The following DCP2 variants were observed in gnomAD, a reference collection of about 807,000 sequenced individuals.
DCP2 encodes the protein decapping mRNA 2, also known as m7GpppN-mRNA hydrolase.
Under a neutral mutation model 56.1 loss-of-function variants are expected in DCP2, and 30 were observed. That is an observed-to-expected ratio of 0.53 (90% CI 0.40 to 0.73). The LOEUF is 0.73. DCP2 is among the 30% of genes least tolerant of loss of function. The pLI, the probability that DCP2 is intolerant of heterozygous loss-of-function variation, is 0.00. For missense variants in DCP2, 533 were observed against 502.7 expected (o/e 1.06, Z -0.58); for synonymous variants, 197 against 163.3 (o/e 1.21, Z -1.57).
intron 1 of DCP2, among the ~76,000 whole-genome samples, chr5:112,982,914 T>G (rs1385679001): frequency 1.3e-5 from 2 of 152,330 alleles, no homozygotes; most frequent in Non-Finnish European, 2.9e-5. Flanking sequence ...TTTGGGAGGT[T>G]TATTCATTAA....
At chr5:112,981,029 A>AT (rs35338836) in intron 1 of DCP2, among the ~76,000 whole-genome samples, 44,698 of 149,594 alleles carry the variant, frequency 0.3, 6,748 homozygotes, top group Middle Eastern at 0.4. Context: ...TGACTTTATG[A>AT]TTTTTTTTTT....
intron 2 of DCP2, among the ~76,000 whole-genome samples, chr5:112,990,172 C>T (rs9784647): frequency 0.44 from 66,731 of 151,844 alleles, 16,294 homozygotes; most frequent in East Asian, 0.62. Context: ...GTTGATGGTA[C>T]ATGTGGGATA....
chr5:112,992,553 C>A, intron 3 of DCP2, 119 bp from the exon 4 acceptor site: 1 of 767,142 alleles, frequency 1.3e-6, no homozygotes, highest in Non-Finnish European at 2.1e-6. Context: ...TAAGAAAATA[C>A]TCTGTAAAAT....
chr5:113,003,955 C>G lies in DCP2; in HGVS notation c.820C>G (p.Arg274Gly). The change falls in exon 8 of 11, where the codon CGC becomes GGC. Residue 274 changes from arginine to glycine, a missense_variant. Physicochemically the swap from Arg to Gly is moderately radical, Grantham distance 125. Transcript: ENST00000389063. ...TVEKLSRTKF[R>G]HSQQLFPDGS... ...ATCTTGGTGTAGTCGAACCAAATTC[C>G]GCCACAGTCAGCAGTTATTTCCTGA... 6.2e-7 allele frequency: 1 copy of G among 1,613,992 alleles called. No individual in the cohort carries two copies. Among genetic ancestry groups the G allele is most frequent in the African/African-American group, 1.3e-5 (1 of 75,008 alleles).
rs751195051 is a variant in DCP2 at position 113,001,401 on chromosome 5, T to C, written c.630T>C (p.Asn210=). ...TTGAGAAATTGCCTTGTCATAGAAATGATATGACCCCCAAATCCAAACTTG... is the reference window on the plus strand; with the variant it reads ...TTGAGAAATTGCCTTGTCATAGAAACGATATGACCCCCAAATCCAAACTTG... The part of the protein sequence containing the change: ...FSIEKLPCHR[N]DMTPKSKLGL... Residue 210 remains asparagine, a synonymous_variant, in exon 6 of 11, where the codon AAT becomes AAC. Transcript: ENST00000389063. 7.4e-6 allele frequency: 12 copies of C among 1,613,982 alleles called. No individual in the cohort carries two copies. Among genetic ancestry groups the C allele is most frequent in the Middle Eastern group, 3.3e-4 (2 of 6,062 alleles).
At chr5:112,990,484 C>G (rs1748528608) in intron 2 of DCP2, among the ~76,000 whole-genome samples, 1 of 152,116 alleles carries the variant, frequency 6.6e-6, no homozygotes, top group African/African-American at 2.4e-5. Context: ...AGAATCTTAC[C>G]AGGCCCTTAT....
chr5:113,009,010 A>AC (rs1554101600), intron 9 of DCP2, among the ~76,000 whole-genome samples: 3 of 151,070 alleles, frequency 2.0e-5, no homozygotes, highest in South Asian at 4.2e-4. Flanking sequence ...CCCCTGGCTA[A>AC]TTTTTTTTTG....
Position 113,013,578 on chromosome 5 carries a change from A to G in DCP2, c.*94A>G. On this transcript the variant is annotated 3_prime_UTR_variant, in exon 11 of 11. Coordinates refer to ENST00000389063, the MANE Select transcript of DCP2 (RefSeq NM_152624.6). ...GCCTTACCTTTCTCAGGTGTTTTAA[A>G]GAAATGCAGGGAGGCAATGTTTCTG... 7.0e-7 allele frequency: 1 copy of G among 1,433,802 alleles called. No homozygotes were observed. Among genetic ancestry groups the G allele is most frequent in the Non-Finnish European group, 9.5e-7 (1 of 1,055,652 alleles). The allele number at this position is 1,433,802 out of a possible 1,614,324, so 88.8% of individuals were successfully genotyped here. A position where few individuals can be genotyped will look rare whatever the true frequency, so the allele number is the denominator to read the frequency against.
In DCP2 at chr5:113,014,544, A is replaced by G. The variant is rs556193780; in HGVS notation, c.*1060A>G. On this transcript the variant is annotated 3_prime_UTR_variant, in exon 11 of 11. Coordinates refer to ENST00000389063, the MANE Select transcript of DCP2 (RefSeq NM_152624.6). ...CATTTCACTAGGTTACACGTTATGT[A>G]TATGTGTTACATAACAGTAACATAC... 1 of 152,794 alleles carries G rather than the reference A, an allele frequency of 6.5e-6. No individual in the cohort carries two copies. Among genetic ancestry groups the G allele is most frequent in the Admixed American group, 6.5e-5 (1 of 15,306 alleles). The allele number at this position is 152,794 out of a possible 1,614,324, so 9.5% of individuals were successfully genotyped here. A position where few individuals can be genotyped will look rare whatever the true frequency, so the allele number is the denominator to read the frequency against.
intron 9 of DCP2, among the ~76,000 whole-genome samples, chr5:113,010,226 T>G (rs78008012): frequency 6.9e-6 from 1 of 144,224 alleles, no homozygotes; most frequent in South Asian, 2.2e-4. Flanking sequence ...TTTTTTTTTT[T>G]GGTAGAAATA....
chr5:112,982,673 C>T (rs1347201589), intron 1 of DCP2, among the ~76,000 whole-genome samples: 2 of 146,282 alleles, frequency 1.4e-5, no homozygotes, highest in African/African-American at 5.6e-5. Context: ...CCCGAGGGCT[C>T]TTACTTAGTT....
At chr5:113,007,508 C>T (rs1013724505) in intron 8 of DCP2, among the ~76,000 whole-genome samples, 2 of 151,826 alleles carry the variant, frequency 1.3e-5, no homozygotes, top group Admixed American at 6.6e-5. Context: ...TCGGGTGACT[C>T]TTCTGCCTCT....
chr5:112,994,816 T>G (rs1029999612), intron 4 of DCP2, among the ~76,000 whole-genome samples: 3 of 152,172 alleles, frequency 2.0e-5, no homozygotes, highest in Non-Finnish European at 4.4e-5. Flanking sequence ...ATAAAGACCT[T>G]TAAGAAGATT....
Position 113,001,589 on chromosome 5 carries a change from C to G in DCP2, c.721C>G (p.Arg241Gly). Reference sequence around the variant, plus strand: ...CAGACCATTAAGGGACTGGCTTTCTCGAAGATTTGGCGATTCCTCAGACAG... The same window carrying G: ...CAGACCATTAAGGGACTGGCTTTCTGGAAGATTTGGCGATTCCTCAGACAG... ...FIRPLRDWLS[R>G]RFGDSSDSDN... The change falls in exon 7 of 11, where the codon CGA (arginine) becomes GGA (glycine). Residue 241 changes from arginine to glycine, a missense_variant. By Grantham distance (125) the Arg-to-Gly change is moderately radical. Transcript: ENST00000389063. The G allele has an allele frequency of 3.1e-6, 5 of 1,614,104 alleles. No homozygotes were observed. The highest frequency in any genetic ancestry group is 4.2e-6 in the Non-Finnish European group (5 of 1,180,012).
intron 4 of DCP2, among the ~76,000 whole-genome samples, chr5:112,997,213 T>C (rs999808640): frequency 2.0e-5 from 3 of 152,246 alleles, no homozygotes; most frequent in African/African-American, 7.2e-5. Context: ...TGGGGCCTAG[T>C]GTGGGAATGC....
intron 8 of DCP2, among the ~76,000 whole-genome samples, chr5:113,006,808 C>T (rs542209072): frequency 1.3e-5 from 2 of 152,246 alleles, no homozygotes; most frequent in Admixed American, 6.5e-5. Context: ...TATTGCATGT[C>T]TAAGTTTAGG....
chr5:112,976,818 C>A lies in DCP2; in HGVS notation c.-116C>A. 1 of 1,059,118 alleles carries A rather than the reference C, an allele frequency of 9.4e-7. No homozygotes were observed. 65.6% of individuals were successfully genotyped at this position (1,059,118 alleles called of 1,614,324 possible). On this transcript the variant is annotated 5_prime_UTR_variant, in exon 1 of 11. Coordinates refer to ENST00000389063, the MANE Select transcript of DCP2 (RefSeq NM_152624.6). Reference sequence around the variant, plus strand: ...CCCTTCTCGTCTCCGTTGGAGTCGTCTCTGCCGCGGCTTCCTCGGCTGCCA... The same window carrying A: ...CCCTTCTCGTCTCCGTTGGAGTCGTATCTGCCGCGGCTTCCTCGGCTGCCA...
intron 1 of DCP2, among the ~76,000 whole-genome samples, chr5:112,981,175 T>G (rs1747987272): frequency 6.6e-6 from 1 of 152,096 alleles, no homozygotes; most frequent in Non-Finnish European, 1.5e-5. Flanking sequence ...TGCCCAGGTA[T>G]TAAATACATT....
chr5:112,979,699 C>T (rs1434847872), intron 1 of DCP2, among the ~76,000 whole-genome samples: 2 of 152,168 alleles, frequency 1.3e-5, no homozygotes, highest in Non-Finnish European at 1.5e-5. Context: ...CTTTAGACTG[C>T]TCATAACCTA....
Sources: gnomAD v4.1 joint callset for allele counts (sites outside exome capture counted in the v4.1 genomes callset) on GRCh38, gnomAD v4.1.1 for gene constraint, MANE v1.5 for transcripts, NCBI Gene and HGNC (gene_info 2026-07-23, HGNC 2026-07-21) for gene names.